NTPCR: variants seen among roughly 807,000 people sequenced by gnomAD.
NTPCR encodes the protein cancer-related nucleoside-triphosphatase.
NTPCR carries 15 observed loss-of-function variants against 19.5 expected under a neutral mutation model. The ratio of observed to expected loss-of-function variants is 0.77; its 90% CI spans 0.51 to 1.18. NTPCR has a LOEUF of 1.18. NTPCR is among the 50% of genes most tolerant of loss of function. The pLI is 0.00. For synonymous variants in NTPCR, 90 were observed against 95.8 expected (o/e 0.94, Z 0.36); for missense variants, 206 against 240.4 (o/e 0.86, Z 0.95).
At chr1:232,975,998 C>A (rs1453032350) in intron 4 of NTPCR, among the ~76,000 whole-genome samples, 1 of 152,164 alleles carries the variant, frequency 6.6e-6, no homozygotes, top group Non-Finnish European at 1.5e-5. Flanking sequence ...CTTTTCTCAA[C>A]AGGGAATATC....
At chr1:232,977,869 C>T (rs1320191430) in intron 4 of NTPCR, among the ~76,000 whole-genome samples, 2 of 152,288 alleles carry the variant, frequency 1.3e-5, no homozygotes, top group South Asian at 2.1e-4. Flanking sequence ...TCATCCGTCC[C>T]GGTGTGCCTC....
intron 3 of NTPCR, chr1:232,969,000 G>C (rs1045712066): frequency 1.3e-5 from 2 of 152,198 alleles, no homozygotes; most frequent in African/African-American, 2.4e-5. Context: ...AAATTTAGCA[G>C]CTTAAAACAA....
At chr1:232,962,273 T>C (rs1394756749) in intron 3 of NTPCR, 2 of 152,212 alleles carry the variant, frequency 1.3e-5, no homozygotes, top group Non-Finnish European at 2.9e-5. Context: ...TATGGAGTGA[T>C]TGGGACTATA....
intron 1 of NTPCR, among the ~76,000 whole-genome samples, chr1:232,954,537 T>A (rs1668460944): frequency 6.6e-6 from 1 of 152,208 alleles, no homozygotes; most frequent in Non-Finnish European, 1.5e-5. Flanking sequence ...AGGCTCATAT[T>A]TTAAAAAGTC....
intron 3 of NTPCR, among the ~76,000 whole-genome samples, chr1:232,960,036 C>T (rs1463424660): frequency 4.6e-5 from 7 of 151,540 alleles, no homozygotes; most frequent in African/African-American, 1.7e-4. Context: ...TATGGTGAAA[C>T]CCAGTATCTA....
At chr1:232,959,522 G>A (rs1668610049) in intron 3 of NTPCR, among the ~76,000 whole-genome samples, 1 of 151,976 alleles carries the variant, frequency 6.6e-6, no homozygotes, top group South Asian at 2.1e-4. Context: ...TATTTTATGG[G>A]AATGAAGAAA....
chr1:232,969,948 A>G lies in NTPCR; in HGVS notation c.334A>G (p.Ile112Val). 1 of 1,614,144 alleles carries G rather than the reference A, an allele frequency of 6.2e-7. No homozygotes were observed. Among genetic ancestry groups the G allele is most frequent in the Non-Finnish European group, 8.5e-7 (1 of 1,180,008 alleles). ...TGGCCCAGGGCAAAGAGTGTGCGTC[A>G]TCGATGAGATTGGGAAGATGGAGCT... Reference protein sequence around the residue: ...SSGPGQRVCVIDEIGKMELFS... With the variant: ...SSGPGQRVCVVDEIGKMELFS... The change falls in exon 4 of 5, where the codon ATC (isoleucine) becomes GTC (valine). Residue 112 changes from isoleucine to valine, a missense_variant. Physicochemically the swap from Ile to Val is conservative, Grantham distance 29 (BLOSUM62 3). Coordinates refer to ENST00000366628, the MANE Select transcript of NTPCR (RefSeq NM_032324.3).
chr1:232,954,191 A>G (rs1668451254), intron 1 of NTPCR, among the ~76,000 whole-genome samples: 1 of 152,224 alleles, frequency 6.6e-6, no homozygotes, highest in Non-Finnish European at 1.5e-5. Flanking sequence ...CCAGGGCTGG[A>G]TTAGAATGTC....
Position 232,981,443 on chromosome 1 carries a change from T to C in NTPCR, c.*3212T>C, listed in dbSNP as rs1669276824. 1 of 152,208 alleles carries C rather than the reference T, an allele frequency of 6.6e-6. No individual in the cohort carries two copies. Among genetic ancestry groups the C allele is most frequent in the African/African-American group, 2.4e-5 (1 of 41,438 alleles). 9.4% of individuals were successfully genotyped at this position (152,208 alleles called of 1,614,324 possible). ...CTGTGTGTGTGCTGATGGCGGATGC[T>C]TGTGTAGCATAGTGACTTGGGACAA... On this transcript the variant is annotated 3_prime_UTR_variant, in exon 5 of 5. Coordinates refer to ENST00000366628, the MANE Select transcript of NTPCR (RefSeq NM_032324.3).
intron 3 of NTPCR, among the ~76,000 whole-genome samples, chr1:232,957,103 G>C (rs933449777): frequency 2.0e-5 from 3 of 152,148 alleles, no homozygotes; most frequent in Non-Finnish European, 2.9e-5. Context: ...TTACTCAGGC[G>C]TATTTTGTTG....
At chr1:232,976,318 A>G in intron 4 of NTPCR, 1 of 1,474,772 alleles carries the variant, frequency 6.8e-7, no homozygotes, top group Non-Finnish European at 9.0e-7. Context: ...TGAAATATAC[A>G]CTACCTTGTT....
chr1:232,974,751 C>G (rs1669079731), intron 4 of NTPCR, among the ~76,000 whole-genome samples: 1 of 152,154 alleles, frequency 6.6e-6, no homozygotes, highest in African/African-American at 2.4e-5. Flanking sequence ...AGAGGGAGAA[C>G]CAGACATCAT....
Position 232,981,934 on chromosome 1 carries a change from G to A in NTPCR, c.*3703G>A, listed in dbSNP as rs1219664804. 6.6e-6 allele frequency: 1 copy of A among 152,056 alleles called. No homozygotes were observed. The highest frequency in any genetic ancestry group is 1.5e-5 in the Non-Finnish European group (1 of 68,034). The allele number at this position is 152,056 out of a possible 1,614,324, so 9.4% of individuals were successfully genotyped here. ...GGGTTTCACCATGTTGGCCAAGCTG[G>A]TCTCGAACTCCTGACCTCATGATTT... On this transcript the variant is annotated 3_prime_UTR_variant, in exon 5 of 5. Coordinates refer to ENST00000366628, the MANE Select transcript of NTPCR (RefSeq NM_032324.3).
At chr1:232,959,995 C>G (rs1668625187) in intron 3 of NTPCR, among the ~76,000 whole-genome samples, 1 of 151,868 alleles carries the variant, frequency 6.6e-6, no homozygotes, top group South Asian at 2.1e-4. Flanking sequence ...TGGATAACTT[C>G]AGGCCAGGAG....
intron 1 of NTPCR, among the ~76,000 whole-genome samples, chr1:232,953,021 C>T (rs533895552): frequency 6.6e-6 from 1 of 152,298 alleles, no homozygotes; most frequent in South Asian, 2.1e-4. Context: ...GATAAATTCC[C>T]TACTTTCTCA....
At chr1:232,965,646 A>ACAG (rs1668792566) in intron 3 of NTPCR, 1 of 152,438 alleles carries the variant, frequency 6.6e-6, no homozygotes, top group Admixed American at 6.5e-5. Flanking sequence ...GTAATCTGTC[A>ACAG]TGGAGTCCCA....
chr1:232,960,667 G>A (rs1306420451), intron 3 of NTPCR, among the ~76,000 whole-genome samples: 2 of 152,134 alleles, frequency 1.3e-5, no homozygotes, highest in Non-Finnish European at 2.9e-5. Context: ...AGGCAGGAAT[G>A]GAGCCTGAGC....
chr1:232,970,021 C>T lies in NTPCR; in HGVS notation c.407C>T (p.Pro136Leu), dbSNP rs1668932497. ...IQAVRQTLSTPGTIILGTIPV... is the reference protein window; with the variant it reads ...IQAVRQTLSTLGTIILGTIPV... The stretch of plus-strand genomic sequence containing the variant: ...GCTGTTCGTCAGACGCTGTCTACCC[C>T]AGGGACTATAATCCTTGGCACAATC... The change falls in exon 4 of 5, where the codon CCA becomes CTA. Residue 136 changes from proline (P) to leucine (L), a missense_variant. Transcript: ENST00000366628. 6.2e-7 allele frequency: 1 copy of T among 1,614,148 alleles called. No homozygotes were observed. The highest frequency in any genetic ancestry group is 8.5e-7 in the Non-Finnish European group (1 of 1,179,976).
At chr1:232,971,531 G>T (rs763530962) in intron 4 of NTPCR, among the ~76,000 whole-genome samples, 4 of 152,072 alleles carry the variant, frequency 2.6e-5, no homozygotes, top group African/African-American at 9.7e-5. Context: ...CTTCTTTATT[G>T]ATTTATTTAT....
Sources: allele counts gnomAD v4.1 joint callset (sites outside exome capture counted in the v4.1 genomes callset), GRCh38; gene constraint gnomAD v4.1.1; transcripts MANE v1.5; gene names NCBI Gene and HGNC (gene_info 2026-07-23, HGNC 2026-07-21).